The following IMMP1L variants were observed in gnomAD, a reference collection of about 807,000 sequenced individuals.
IMMP1L encodes the protein inner mitochondrial membrane peptidase subunit 1.
In IMMP1L, 24 loss-of-function variants were observed where a neutral mutation model predicts 21.8. That is an observed-to-expected ratio of 1.10 (90% confidence interval 0.80 to 1.55). The LOEUF is 1.55. IMMP1L is among the 40% of genes most tolerant of loss of function. The probability of loss-of-function intolerance (pLI) is 0.00; values close to 1 mark genes in which losing one functional copy is unlikely to be tolerated. For synonymous variants in IMMP1L, 46 were observed against 62.8 expected (o/e 0.73, Z 1.26); for missense variants, 195 against 200.7 (o/e 0.97, Z 0.17).
intron 1 of IMMP1L, among the ~76,000 whole-genome samples, chr11:31,498,570 G>A (rs930827345): frequency 2.0e-4 from 30 of 152,218 alleles, no homozygotes; most frequent in African/African-American, 6.7e-4. Flanking sequence ...TATTTTAGCA[G>A]AGCAAATATG....
At chr11:31,500,166 T>C (rs928651494) in intron 1 of IMMP1L, among the ~76,000 whole-genome samples, 5 of 151,888 alleles carry the variant, frequency 3.3e-5, no homozygotes, top group African/African-American at 1.2e-4. Context: ...GGTCAGTCTT[T>C]TTTTTTCCAT....
chr11:31,503,272 G>A lies in IMMP1L; in HGVS notation c.-30+6247C>T, dbSNP rs978082396. On this transcript the variant is annotated intron_variant, in intron 1 of 5. Coordinates refer to ENST00000532287, the MANE Select transcript of IMMP1L (RefSeq NM_001304274.2). ...TAAGTTATAGGAGCAGCTAGTGCACGCTCTTAACTACATACGGTATATTAG... is the reference window on the plus strand; with the variant it reads ...TAAGTTATAGGAGCAGCTAGTGCACACTCTTAACTACATACGGTATATTAG... 5.9e-5 allele frequency among the ~76,000 whole-genome samples: 9 copies of A among 152,274 alleles called. No individual in the cohort carries two copies. The South Asian group carries it at 8.3e-4, about 14-fold the overall frequency.
chr11:31,484,114 A>G (rs1954992105), intron 1 of IMMP1L, among the ~76,000 whole-genome samples: 1 of 151,924 alleles, frequency 6.6e-6, no homozygotes, highest in South Asian at 2.1e-4. Context: ...TACAGTAAAT[A>G]TAGCAGGCTT....
At chr11:31,440,151 A>G (rs547170455) in intron 4 of IMMP1L, among the ~76,000 whole-genome samples, 1 of 152,244 alleles carries the variant, frequency 6.6e-6, no homozygotes, top group South Asian at 2.1e-4. Context: ...GCTTTGCTTG[A>G]CTTTCCCTCC....
intron 4 of IMMP1L, among the ~76,000 whole-genome samples, chr11:31,455,010 C>T (rs181109455): frequency 3.3e-5 from 5 of 152,280 alleles, no homozygotes; most frequent in Admixed American, 2.0e-4. Context: ...AAATATGTTA[C>T]CTGACAGCAC....
intron 1 of IMMP1L, among the ~76,000 whole-genome samples, chr11:31,496,358 C>G (rs1404259147): frequency 6.6e-6 from 1 of 152,166 alleles, no homozygotes; most frequent in Non-Finnish European, 1.5e-5. Flanking sequence ...AATTGTAACC[C>G]TTCCGCACTC....
intron 4 of IMMP1L, among the ~76,000 whole-genome samples, chr11:31,450,951 C>G (rs562874628): frequency 6.6e-6 from 1 of 152,124 alleles, no homozygotes; most frequent in South Asian, 2.1e-4. Flanking sequence ...ATCTTATGCT[C>G]TAGATCAGGG....
intron 4 of IMMP1L, among the ~76,000 whole-genome samples, chr11:31,454,332 G>A (rs1009005771): frequency 6.6e-6 from 1 of 151,284 alleles, no homozygotes; most frequent in African/African-American, 2.4e-5. Flanking sequence ...CAAAACAGCT[G>A]AAGGAGCTAC....
At chr11:31,506,396 T>A (rs1565021657) in intron 1 of IMMP1L, among the ~76,000 whole-genome samples, 2 of 151,484 alleles carry the variant, frequency 1.3e-5, no homozygotes, top group Non-Finnish European at 2.9e-5. Context: ...GCCCAGCTAA[T>A]TTTTTTGTAT....
intron 4 of IMMP1L, among the ~76,000 whole-genome samples, chr11:31,443,122 T>A (rs556321928): frequency 2.6e-5 from 4 of 152,334 alleles, no homozygotes; most frequent in African/African-American, 9.6e-5. Flanking sequence ...CCACTGTATA[T>A]TCTGCTTAAT....
chr11:31,505,043 T>C (rs1955735637), intron 1 of IMMP1L, among the ~76,000 whole-genome samples: 2 of 152,182 alleles, frequency 1.3e-5, no homozygotes, highest in Non-Finnish European at 1.5e-5. Context: ...GCAGGCCCCG[T>C]AGTGAACCTT....
At chr11:31,451,781 G>C (rs952779673) in intron 4 of IMMP1L, among the ~76,000 whole-genome samples, 2 of 152,082 alleles carry the variant, frequency 1.3e-5, no homozygotes, top group Non-Finnish European at 2.9e-5. Flanking sequence ...ACAGGATGAG[G>C]TCAGCTAAAG....
intron 4 of IMMP1L, among the ~76,000 whole-genome samples, chr11:31,437,521 ACTC>A (rs748022520): frequency 1.6e-4 from 24 of 152,098 alleles, no homozygotes; most frequent in Non-Finnish European, 2.9e-4. Flanking sequence ...GTTTGCAATT[ACTC>A]CTCCTTTTAA....
Position 31,493,739 on chromosome 11 carries a change from G to A in IMMP1L, c.-30+15780C>T, listed in dbSNP as rs547196316. On this transcript the variant is annotated intron_variant, in intron 1 of 5. Transcript: ENST00000532287. ...TCCTAGATACAACAAGGGTACAAGC[G>A]TTGGGTAACTACACCCATTCCAAAT... Among the ~76,000 whole-genome samples, 15 of 152,306 alleles carry A rather than the reference G, an allele frequency of 9.8e-5. No individual in the cohort carries two copies. The East Asian group carries it at 1.3e-3, about 14-fold the overall frequency.
intron 1 of IMMP1L, among the ~76,000 whole-genome samples, chr11:31,490,475 A>G (rs905168307): frequency 6.6e-6 from 1 of 152,060 alleles, no homozygotes; most frequent in East Asian, 1.9e-4. Flanking sequence ...CATCTAAAAA[A>G]AAAAAAAAAG....
intron 1 of IMMP1L, among the ~76,000 whole-genome samples, chr11:31,466,046 A>G (rs1954329240): frequency 6.6e-6 from 1 of 152,038 alleles, no homozygotes; most frequent in Non-Finnish European, 1.5e-5. Context: ...TCTAGAATAT[A>G]CAAGGAACCC....
At chr11:31,502,103 T>C (rs1480302727) in intron 1 of IMMP1L, among the ~76,000 whole-genome samples, 3 of 152,028 alleles carry the variant, frequency 2.0e-5, no homozygotes, top group Admixed American at 1.3e-4. Context: ...AAATCCGAAC[T>C]GAGAGAAAAT....
chr11:31,437,408 C>CA (rs1953161586), intron 4 of IMMP1L, among the ~76,000 whole-genome samples: 1 of 152,098 alleles, frequency 6.6e-6, no homozygotes, highest in African/African-American at 2.4e-5. Flanking sequence ...TGTGGCATCA[C>CA]ACAGGCACTC....
rs117582467 is a variant in IMMP1L at position 31,436,190 on chromosome 11, A to C, written c.322-2620T>G. On this transcript the variant is annotated intron_variant, in intron 4 of 5. Coordinates refer to ENST00000532287, the MANE Select transcript of IMMP1L (RefSeq NM_001304274.2). Reference sequence around the variant, plus strand: ...TTCCCAATCTATTTTTTGTCTTTTTATATTATGTTCCACAAAGTTTTTAGT... The same window carrying C: ...TTCCCAATCTATTTTTTGTCTTTTTCTATTATGTTCCACAAAGTTTTTAGT... Among the ~76,000 whole-genome samples, 869 of 152,184 alleles carry C rather than the reference A, an allele frequency of 5.7e-3. 4 individuals are homozygous for C. Among genetic ancestry groups the C allele is most frequent in the Middle Eastern group, 0.01 (3 of 294 alleles).
Sources: gnomAD v4.1 joint callset for allele counts (sites outside exome capture counted in the v4.1 genomes callset) on GRCh38, gnomAD v4.1.1 for gene constraint, MANE v1.5 for transcripts, NCBI Gene and HGNC (gene_info 2026-07-23, HGNC 2026-07-21) for gene names.